MBD5: variants seen among roughly 807,000 people sequenced by gnomAD.
The protein encoded by MBD5 is methyl-CpG binding domain protein 5.
In MBD5, 13 loss-of-function variants were observed where a neutral mutation model predicts 117.3. The ratio of observed to expected loss-of-function variants is 0.11; its 90% CI spans 0.07 to 0.18. MBD5 has a LOEUF of 0.18. MBD5 is among the 10% of genes least tolerant of loss of function. The pLI, the probability that MBD5 is intolerant of heterozygous loss-of-function variation, is 1.00. For synonymous variants in MBD5, 727 were observed against 766.4 expected (o/e 0.95, Z 0.85); for missense variants, 1,879 against 2,093.8 (o/e 0.90, Z 2.00).
chr2:148,310,115 T>C (rs1701993537), intron 3 of MBD5, among the ~76,000 whole-genome samples: 3 of 152,176 alleles, frequency 2.0e-5, no homozygotes, highest in African/African-American at 7.2e-5. Context: ...TCTTTTTCTG[T>C]TGTGTCTCTG....
rs563052227 is a variant in MBD5, at chr2:148,145,527, T to A, written c.-924-33173T>A. 6.7e-4 allele frequency among the ~76,000 whole-genome samples: 102 copies of A among 152,246 alleles called. 1 individual carries two copies. Among genetic ancestry groups the A allele is most frequent in the Non-Finnish European group, 1.3e-3 (90 of 68,000 alleles). On this transcript the variant is annotated intron_variant, in intron 1 of 13. Transcript: ENST00000642680. ...AGAGAGGGCATCCCTGCCTTGTGCCTGTTTTCAAAGGGAATGCTTCCAGTT... is the reference window on the plus strand; with the variant it reads ...AGAGAGGGCATCCCTGCCTTGTGCCAGTTTTCAAAGGGAATGCTTCCAGTT...
intron 3 of MBD5, among the ~76,000 whole-genome samples, chr2:148,242,616 A>G (rs1558987648): frequency 6.6e-6 from 1 of 152,176 alleles, no homozygotes; most frequent in Non-Finnish European, 1.5e-5. Context: ...TTAGAGTCAG[A>G]TGGAATTTCC....
chr2:148,148,932 TTTA>T (rs1184910015), intron 1 of MBD5, among the ~76,000 whole-genome samples: 1 of 151,186 alleles, frequency 6.6e-6, no homozygotes, highest in African/African-American at 2.5e-5. Flanking sequence ...TATTTCTTTA[TTTA>T]TTTTATTTTA....
intron 3 of MBD5, among the ~76,000 whole-genome samples, chr2:148,270,114 T>TC (rs2106337958): frequency 6.6e-6 from 1 of 152,306 alleles, no homozygotes; most frequent in East Asian, 1.9e-4. Flanking sequence ...TCTTTCTTTT[T>TC]CTCTTCACTG....
At chr2:148,132,532 T>C (rs928848367) in intron 1 of MBD5, among the ~76,000 whole-genome samples, 6 of 151,996 alleles carry the variant, frequency 3.9e-5, no homozygotes, top group African/African-American at 1.4e-4. Context: ...AATCAAATTA[T>C]GTTGCTTAAA....
intron 3 of MBD5, among the ~76,000 whole-genome samples, chr2:148,267,985 T>C (rs1700898938): frequency 6.6e-6 from 1 of 151,320 alleles, no homozygotes; most frequent in Admixed American, 6.6e-5. Flanking sequence ...GTTCTCACTT[T>C]TTCACCCAGG....
intron 1 of MBD5, among the ~76,000 whole-genome samples, chr2:148,144,535 T>C (rs189597222): frequency 0.012 from 1,871 of 152,320 alleles, 44 homozygotes; most frequent in African/African-American, 0.043. Context: ...GCCTATGTCC[T>C]GAATGGTATT....
chr2:148,289,660 A>G (rs1308870046), intron 3 of MBD5, among the ~76,000 whole-genome samples: 1 of 152,218 alleles, frequency 6.6e-6, no homozygotes, highest in Non-Finnish European at 1.5e-5. Context: ...AAATTTGGAA[A>G]CAACCTAAAT....
chr2:148,479,447 A>T (rs1219459862), intron 8 of MBD5, among the ~76,000 whole-genome samples: 1 of 152,190 alleles, frequency 6.6e-6, no homozygotes, highest in African/African-American at 2.4e-5. Flanking sequence ...AATCTTTTTA[A>T]TACTAACAAA....
chr2:148,423,128 G>T (rs1574407788), intron 4 of MBD5, among the ~76,000 whole-genome samples: 1 of 152,044 alleles, frequency 6.6e-6, no homozygotes. Flanking sequence ...ACACATAATT[G>T]TCAGATTCAC....
chr2:148,236,164 T>C (rs1289310593), intron 3 of MBD5, among the ~76,000 whole-genome samples: 1 of 152,092 alleles, frequency 6.6e-6, no homozygotes, highest in African/African-American at 2.4e-5. Flanking sequence ...AGACCCTTTA[T>C]TATGGCTGAA....
At chr2:148,046,316 G>A (rs1037373411) in intron 1 of MBD5, among the ~76,000 whole-genome samples, 2 of 152,132 alleles carry the variant, frequency 1.3e-5, no homozygotes, top group African/African-American at 4.8e-5. Context: ...GTGATGTTAT[G>A]AAAGAAATAA....
intron 3 of MBD5, among the ~76,000 whole-genome samples, chr2:148,289,728 T>C (rs781763442): frequency 6.6e-6 from 1 of 152,178 alleles, no homozygotes; most frequent in Admixed American, 6.5e-5. Context: ...GATGTTATTA[T>C]ACATAATGTT....
At chr2:148,420,067 T>C (rs563520339) in intron 4 of MBD5, among the ~76,000 whole-genome samples, 6 of 152,326 alleles carry the variant, frequency 3.9e-5, no homozygotes, top group Admixed American at 3.9e-4. Flanking sequence ...TATCCCATTA[T>C]GACATTAACC....
chr2:148,380,975 A>G (rs979616422), intron 4 of MBD5, among the ~76,000 whole-genome samples: 2 of 152,154 alleles, frequency 1.3e-5, no homozygotes, highest in Non-Finnish European at 2.9e-5. Flanking sequence ...TCTGTACGTC[A>G]CCATCATCAA....
At chr2:148,086,898 T>A (rs1695809957) in intron 1 of MBD5, among the ~76,000 whole-genome samples, 1 of 152,306 alleles carries the variant, frequency 6.6e-6, no homozygotes, top group East Asian at 1.9e-4. Context: ...CATTTGACCC[T>A]TCTCTATCTC....
intron 4 of MBD5, among the ~76,000 whole-genome samples, chr2:148,396,406 C>T (rs1000623489): frequency 1.4e-4 from 21 of 152,202 alleles, no homozygotes; most frequent in African/African-American, 4.1e-4. Flanking sequence ...AGCTTTCTTC[C>T]ACAAATGTTC....
rs1701597189 is a variant in MBD5 at position 148,294,509 on chromosome 2, T to TTTTTGTTTTTTTTTTTTTTTGTTTG, written c.-679-47701_-679-47700insGTTTTTTTTTTTTTTTGTTTGTTTT. ...AAAGTGCTGGGATTACAGTTTTTTTTTTTTTTTTTTTTGAGATAGAGCTGG... is the reference window on the plus strand; with the variant it reads ...AAAGTGCTGGGATTACAGTTTTTTTTTTTTGTTTTTTTTTTTTTTTGTTTGTTTTTTTTTTTTGAGATAGAGCTGG... On this transcript the variant is annotated intron_variant, in intron 3 of 13. Coordinates refer to ENST00000642680, the MANE Select transcript of MBD5 (RefSeq NM_001378120.1). Among the ~76,000 whole-genome samples the TTTTTGTTTTTTTTTTTTTTTGTTTG allele has an allele frequency of 3.4e-4, 44 of 130,068 alleles. 2 individuals carry two copies. The highest frequency in any genetic ancestry group is 6.7e-4 in the Non-Finnish European group (41 of 60,752). 85.3% of individuals were successfully genotyped at this position (130,068 alleles called of 152,430 possible).
intron 2 of MBD5, among the ~76,000 whole-genome samples, chr2:148,226,679 A>AC (rs1434146703): frequency 2.0e-5 from 3 of 152,142 alleles, no homozygotes; most frequent in African/African-American, 7.2e-5. Context: ...ATCCCTGAGG[A>AC]ATCGCCACAC....
Sources: allele counts gnomAD v4.1 joint callset (sites outside exome capture counted in the v4.1 genomes callset), GRCh38; gene constraint gnomAD v4.1.1; transcripts MANE v1.5; gene names NCBI Gene and HGNC (gene_info 2026-07-23, HGNC 2026-07-21).